The following SMYD4 variants were observed in gnomAD, a reference collection of about 807,000 sequenced individuals.
SMYD4 encodes the protein protein-lysine N-methyltransferase SMYD4.
Under a neutral mutation model 72.8 loss-of-function variants are expected in SMYD4, and 68 were observed. That is an observed-to-expected ratio of 0.93 (90% confidence interval 0.77 to 1.14). SMYD4 has a LOEUF of 1.14. Among genes scored for constraint, SMYD4 ranks in the 50% most tolerant of loss-of-function variants. The pLI is 0.00. For synonymous variants in SMYD4, 407 were observed against 388.6 expected, an observed-to-expected ratio of 1.05 and a Z score of -0.56; for missense variants, 984 against 1,003.7, an observed-to-expected ratio of 0.98 and a Z score of 0.27.
intron 2 of SMYD4, among the ~76,000 whole-genome samples, chr17:1,823,558 A>T (rs1041520941): frequency 2.0e-5 from 3 of 152,156 alleles, no homozygotes; most frequent in Non-Finnish European, 4.4e-5. Context: ...CCGCCTGGGT[A>T]CTGAGACTCC....
chr17:1,793,136 C>CT, intron 5 of SMYD4, among the ~76,000 whole-genome samples: 1 of 152,006 alleles, frequency 6.6e-6, no homozygotes, highest in Non-Finnish European at 1.5e-5. Flanking sequence ...CGGGTGGTCT[C>CT]TAACTCGTGG....
intron 3 of SMYD4, among the ~76,000 whole-genome samples, chr17:1,806,158 C>T (rs1005281169): frequency 1.3e-5 from 2 of 151,942 alleles, no homozygotes; most frequent in African/African-American, 4.8e-5. Flanking sequence ...ATCTCGTGAC[C>T]TCGTGATCCG....
At position 1,781,457 on chromosome 17, in the gene SMYD4, AGAG is replaced by A. The variant is rs1908359968; in HGVS notation, c.2262-21_2262-19del. ...CTGCAAACCTGAGCCAAGGGAGGTA[AGAG>A]GAGTTAGTTCACTGATTTGTGAGGC... On this transcript the variant is annotated intron_variant, in intron 10 of 10. Transcript: ENST00000305513. The A allele has an allele frequency of 3.1e-6, 5 of 1,611,018 alleles. No individual in the cohort carries two copies.
chr17:1,804,521 G>T (rs539387890), intron 4 of SMYD4, 105 bp downstream of exon 4: 2 of 998,496 alleles, frequency 2.0e-6, no homozygotes, highest in Admixed American at 1.9e-5. Context: ...ATAGCAGCAT[G>T]ACATGATTTT....
At chr17:1,808,959 G>GA (rs1390133052) in intron 3 of SMYD4, among the ~76,000 whole-genome samples, 1 of 152,142 alleles carries the variant, frequency 6.6e-6, no homozygotes, top group Non-Finnish European at 1.5e-5. Flanking sequence ...ATCGTTTTTG[G>GA]AAAATTAATC....
intron 10 of SMYD4, chr17:1,782,140 G>A: frequency 6.6e-6 from 1 of 152,178 alleles, no homozygotes; most frequent in South Asian, 2.1e-4. Context: ...TCATCAGCGT[G>A]CTGTTCTTTC....
intron 5 of SMYD4, among the ~76,000 whole-genome samples, chr17:1,791,112 G>A (rs1350827478): frequency 3.7e-4 from 23 of 62,498 alleles, no homozygotes; most frequent in African/African-American, 1.2e-3. Context: ...GGGCTGGCCC[G>A]TCTCAAAAAA....
chr17:1,794,105 A>ATTTTTTTTTTTT lies in SMYD4; in HGVS notation c.1537+5740_1537+5751dup, dbSNP rs59420310. 2.3e-4 allele frequency among the ~76,000 whole-genome samples: 3 copies of ATTTTTTTTTTTT among 12,992 alleles called. 1 individual carries two copies. Among genetic ancestry groups the ATTTTTTTTTTTT allele is most frequent in the Non-Finnish European group, 4.1e-4 (3 of 7,264 alleles). The allele number at this position is 12,992 out of a possible 152,430, so 8.5% of individuals were successfully genotyped here. A position where few individuals can be genotyped will look rare whatever the true frequency, so the allele number is the denominator to read the frequency against. On this transcript the variant is annotated intron_variant, in intron 5 of 10. Coordinates refer to ENST00000305513, the MANE Select transcript of SMYD4 (RefSeq NM_052928.3). ...TGTATATATATATATATATATATAT[A>ATTTTTTTTTTTT]TTTTTTTTTTTTTTTTTTTTTTGAG...
intron 7 of SMYD4, 174 bp from the exon 8 acceptor site, chr17:1,784,635 C>A: frequency 1.1e-6 from 1 of 925,902 alleles, no homozygotes; most frequent in Non-Finnish European, 1.3e-6. Context: ...GCAATGGCGG[C>A]AATTCTAATG....
chr17:1,808,151 C>T (rs1910138697), intron 3 of SMYD4, among the ~76,000 whole-genome samples: 1 of 152,168 alleles, frequency 6.6e-6, no homozygotes. Context: ...TTATCCTAAG[C>T]AAGCAATCAG....
At chr17:1,794,081 GTATATATATATA>G in intron 5 of SMYD4, among the ~76,000 whole-genome samples, 1 of 17,124 alleles carries the variant, frequency 5.8e-5, no homozygotes, top group Middle Eastern at 0.045. Context: ...ATATATATGT[GTATATATATATA>G]TATATATATA....
intron 3 of SMYD4, among the ~76,000 whole-genome samples, chr17:1,805,525 G>A (rs1909986136): frequency 6.6e-6 from 1 of 151,662 alleles, no homozygotes; most frequent in African/African-American, 2.4e-5. Flanking sequence ...AAACTACTGG[G>A]ATGAGACCGG....
chr17:1,807,670 G>A (rs560776164), intron 3 of SMYD4, among the ~76,000 whole-genome samples: 4 of 152,266 alleles, frequency 2.6e-5, no homozygotes, highest in African/African-American at 4.8e-5. Flanking sequence ...GCCTGAGGAC[G>A]CTCTTTATGT....
chr17:1,807,314 T>C (rs1042581904), intron 3 of SMYD4, among the ~76,000 whole-genome samples: 1 of 150,008 alleles, frequency 6.7e-6, no homozygotes. Context: ...GTAGCCATCA[T>C]AAAGAATGAG....
intron 7 of SMYD4, among the ~76,000 whole-genome samples, chr17:1,786,204 T>C (rs1217593445): frequency 6.6e-6 from 1 of 152,146 alleles, no homozygotes; most frequent in Non-Finnish European, 1.5e-5. Context: ...TGGCATGTGC[T>C]CTTATCCTCC....
intron 3 of SMYD4, among the ~76,000 whole-genome samples, chr17:1,808,456 A>C (rs1910157154): frequency 6.6e-6 from 1 of 152,214 alleles, no homozygotes; most frequent in East Asian, 1.9e-4. Flanking sequence ...GTAAGCAAAA[A>C]TGTTAACAGT....
chr17:1,782,100 CT>C (rs1316280464), intron 10 of SMYD4: 1 of 152,182 alleles, frequency 6.6e-6, no homozygotes, highest in Non-Finnish European at 1.5e-5. Context: ...CCTAAATGGT[CT>C]CAGTAGCAAA....
intron 4 of SMYD4, chr17:1,804,317 C>A: frequency 3.8e-6 from 1 of 264,786 alleles, no homozygotes; most frequent in Non-Finnish European, 7.6e-6. Context: ...ACTACAGATG[C>A]ATGCTACTAC....
At chr17:1,805,924 A>AT (rs2063313113) in intron 3 of SMYD4, among the ~76,000 whole-genome samples, 2 of 147,224 alleles carry the variant, frequency 1.4e-5, no homozygotes, top group African/African-American at 5.0e-5. Flanking sequence ...AATACATCAA[A>AT]TTCTTTTTTT....
Sources: allele counts gnomAD v4.1 joint callset (sites outside exome capture counted in the v4.1 genomes callset), GRCh38; gene constraint gnomAD v4.1.1; transcripts MANE v1.5; gene names NCBI Gene and HGNC (gene_info 2026-07-23, HGNC 2026-07-21).